Variants in DRC10 observed in about 807,000 individuals in gnomAD.
DRC10 encodes IQ domain-containing protein D.
chr12:113,209,014 C>A, the DRC10 span, among the ~76,000 whole-genome samples: 1 of 152,240 alleles, frequency 6.6e-6, no homozygotes, highest in Non-Finnish European at 1.5e-5. Context: ...TCACTGCAAC[C>A]TCTGCCTCCT....
chr12:113,203,088 C>T, the DRC10 span: 215 of 447,966 alleles, frequency 4.8e-4, no homozygotes, highest in South Asian at 3.1e-3. Context: ...TACAGTGGTG[C>T]GATCTCAGCT....
the DRC10 span, among the ~76,000 whole-genome samples, chr12:113,198,545 G>C: frequency 6.6e-6 from 1 of 152,202 alleles, no homozygotes; most frequent in Non-Finnish European, 1.5e-5. Flanking sequence ...GGCCACAGAA[G>C]ATTCCATTCA....
chr12:113,220,821 C>A, the DRC10 span, among the ~76,000 whole-genome samples: 1 of 152,124 alleles, frequency 6.6e-6, no homozygotes, highest in Non-Finnish European at 1.5e-5. Flanking sequence ...AGGCCGGCTC[C>A]CTGCAGGTTG....
At chr12:113,196,018 ATC>A in the DRC10 span, 62 of 1,361,674 alleles carry the variant, frequency 4.6e-5, no homozygotes, top group Non-Finnish European at 5.8e-5. Context: ...GCTGTTCAGC[ATC>A]TCTCGGTCCC....
At chr12:113,200,860 C>T in the DRC10 span, 3,893 of 1,380,084 alleles carry the variant, frequency 2.8e-3, 12 homozygotes, top group Middle Eastern at 6.4e-3. Flanking sequence ...CATGCCCAGC[C>T]GGGCACAGTG....
chr12:113,217,623 C>A, the DRC10 span, among the ~76,000 whole-genome samples: 1 of 152,212 alleles, frequency 6.6e-6, no homozygotes, highest in African/African-American at 2.4e-5. Context: ...CCTCCACCCC[C>A]CTGGTTCAAG....
chr12:113,210,580 AG>A, the DRC10 span, among the ~76,000 whole-genome samples: 3 of 150,526 alleles, frequency 2.0e-5, no homozygotes, highest in African/African-American at 7.3e-5. Flanking sequence ...CAGGCAACAT[AG>A]CAAGTCCCCA....
chr12:113,202,915 T>C, the DRC10 span: 3 of 377,998 alleles, frequency 7.9e-6, no homozygotes, highest in East Asian at 2.2e-4. Context: ...TCTGTACTCA[T>C]ACACCATCTC....
the DRC10 span, among the ~76,000 whole-genome samples, chr12:113,219,411 G>A: frequency 5.0e-4 from 76 of 152,124 alleles, no homozygotes; most frequent in African/African-American, 1.8e-3. Flanking sequence ...TGTACCTACC[G>A]GCAACATATG....
the DRC10 span, among the ~76,000 whole-genome samples, chr12:113,199,076 T>C: frequency 4.6e-5 from 7 of 152,240 alleles, no homozygotes; most frequent in African/African-American, 1.7e-4. Context: ...TAGCTGGGAT[T>C]ACAGGTGCAT....
At chr12:113,219,890 C>T in the DRC10 span, among the ~76,000 whole-genome samples, 1 of 152,298 alleles carries the variant, frequency 6.6e-6, no homozygotes, top group Non-Finnish European at 1.5e-5. Flanking sequence ...CTCGCTGCAA[C>T]CTCCACCACC....
the DRC10 span, chr12:113,207,186 A>G: frequency 1.9e-6 from 1 of 513,990 alleles, no homozygotes; most frequent in Admixed American, 3.2e-5. Context: ...TGTCTCTACT[A>G]AAAATACAAA....
the DRC10 span, chr12:113,207,977 C>G: frequency 1.2e-6 from 2 of 1,614,104 alleles, no homozygotes; most frequent in African/African-American, 1.3e-5. Context: ...GTCACCAGCT[C>G]CACCTTGTAG....
chr12:113,202,022 GC>G, the DRC10 span, among the ~76,000 whole-genome samples: 38 of 152,314 alleles, frequency 2.5e-4, no homozygotes, highest in Non-Finnish European at 5.0e-4. Context: ...CCAAGGTGAA[GC>G]CCCAAGCTGG....
At chr12:113,205,748 G>A in the DRC10 span, among the ~76,000 whole-genome samples, 1 of 149,152 alleles carries the variant, frequency 6.7e-6, no homozygotes, top group African/African-American at 2.5e-5. Context: ...AATTAGCCGG[G>A]CGCGGTGGCG....
the DRC10 span, among the ~76,000 whole-genome samples, chr12:113,196,884 C>G: frequency 6.6e-6 from 1 of 152,250 alleles, no homozygotes; most frequent in Non-Finnish European, 1.5e-5. Context: ...GGTGTCTCAC[C>G]GAATCCCCGC....
At chr12:113,205,051 C>T in the DRC10 span, among the ~76,000 whole-genome samples, 1 of 152,124 alleles carries the variant, frequency 6.6e-6, no homozygotes, top group Admixed American at 6.6e-5. Context: ...GTGTTAAGTT[C>T]TCCTGTAACA....
At chr12:113,209,123 G>A in the DRC10 span, among the ~76,000 whole-genome samples, 1 of 146,008 alleles carries the variant, frequency 6.8e-6, no homozygotes, top group Non-Finnish European at 1.5e-5. Context: ...GTAGAGACAG[G>A]GTTTTGCCAT....
the DRC10 span, chr12:113,197,596 T>C: frequency 6.5e-7 from 1 of 1,531,272 alleles, no homozygotes; most frequent in Non-Finnish European, 8.8e-7. Flanking sequence ...GATTTCCGTT[T>C]CCACTTTATA....
Sources: gnomAD v4.1 joint callset for allele counts (sites outside exome capture counted in the v4.1 genomes callset) on GRCh38, gnomAD v4.1.1 for gene constraint, MANE v1.5 for transcripts, NCBI Gene and HGNC (gene_info 2026-07-23, HGNC 2026-07-21) for gene names.